PCDHA1: variants seen among roughly 807,000 people sequenced by gnomAD.
PCDHA1 encodes the protein protocadherin alpha 1.
Under a neutral mutation model 61.3 loss-of-function variants are expected in PCDHA1, and 42 were observed. The ratio of observed to expected loss-of-function variants is 0.69; its 90% CI spans 0.54 to 0.89. The LOEUF (loss-of-function observed/expected upper bound fraction) is 0.89, where lower values mean the gene tolerates loss of function less well. Among genes scored for constraint, PCDHA1 ranks in the 40% least tolerant of loss-of-function variants. The pLI, the probability that PCDHA1 is intolerant of heterozygous loss-of-function variation, is 0.00. For synonymous variants in PCDHA1, 610 were observed against 553.8 expected (o/e 1.10, Z -1.43); for missense variants, 1,256 against 1,235.3 (o/e 1.02, Z -0.25).
chr5:140,946,611 A>AATAT (rs1554217734), intron 1 of PCDHA1, among the ~76,000 whole-genome samples: 1,089 of 86,784 alleles, frequency 0.013, 135 homozygotes, highest in African/African-American at 0.062. Flanking sequence ...GAAAATGTGA[A>AATAT]ATATATATAT....
At chr5:140,885,073 T>TA (rs1196857475) in intron 1 of PCDHA1, among the ~76,000 whole-genome samples, 2 of 152,226 alleles carry the variant, frequency 1.3e-5, no homozygotes, top group African/African-American at 4.8e-5. Context: ...GATATTATTT[T>TA]AAAGAGCCCC....
At chr5:140,892,592 C>T (rs1053889046) in intron 1 of PCDHA1, among the ~76,000 whole-genome samples, 2 of 152,214 alleles carry the variant, frequency 1.3e-5, no homozygotes, top group Admixed American at 6.5e-5. Context: ...TATTCATTCA[C>T]CTATTTTTTT....
At chr5:140,802,381 T>G in intron 1 of PCDHA1, 1 of 1,614,240 alleles carries the variant, frequency 6.2e-7, no homozygotes, top group Non-Finnish European at 8.5e-7. Flanking sequence ...CACGTCCCCT[T>G]CAAGCTGGTG....
Position 140,848,697 on chromosome 5 carries a change from T to C in PCDHA1, c.2394+60013T>C. ...GGTGCCGCGCCTGTTCCAGTTGGAT[T>C]CCAAAGGCCGCGGGGACCTTCTGGA... On this transcript the variant is annotated intron_variant, in intron 1 of 3. Coordinates refer to ENST00000504120, the MANE Select transcript of PCDHA1 (RefSeq NM_018900.4). 11 of 1,592,356 alleles carry C rather than the reference T, an allele frequency of 6.9e-6. 1 individual carries two copies. The highest frequency in any genetic ancestry group is 9.5e-6 in the Non-Finnish European group (11 of 1,163,328).
chr5:140,870,209 C>T (rs1174096449), intron 1 of PCDHA1: 3 of 1,614,176 alleles, frequency 1.9e-6, no homozygotes, highest in East Asian at 4.5e-5. Context: ...ACGGTCATTG[C>T]CCTGATCAGC....
intron 1 of PCDHA1, among the ~76,000 whole-genome samples, chr5:140,893,588 A>G (rs2064072698): frequency 6.6e-6 from 1 of 152,212 alleles, no homozygotes; most frequent in South Asian, 2.1e-4. Flanking sequence ...TTGTTTGGGA[A>G]ATACTTTATT....
At chr5:140,890,700 A>T (rs1265643590) in intron 1 of PCDHA1, among the ~76,000 whole-genome samples, 1 of 152,214 alleles carries the variant, frequency 6.6e-6, no homozygotes, top group East Asian at 1.9e-4. Context: ...CAGGGACCTT[A>T]CATTTTTAAA....
intron 1 of PCDHA1, chr5:140,857,826 T>A (rs782420102): frequency 6.3e-7 from 1 of 1,597,464 alleles, no homozygotes; most frequent in South Asian, 1.1e-5. Context: ...GTGGCTAAGG[T>A]GCGCGCAGTG....
At chr5:140,819,050 A>G (rs1440435976) in intron 1 of PCDHA1, among the ~76,000 whole-genome samples, 1 of 152,190 alleles carries the variant, frequency 6.6e-6, no homozygotes, top group Non-Finnish European at 1.5e-5. Context: ...GGGCAGTTAT[A>G]CCTTCCTCTG....
rs1476746131 is a variant in PCDHA1, at chr5:140,870,515, G to A, written c.2394+81831G>A. 8.7e-6 allele frequency: 14 copies of A among 1,614,236 alleles called. No homozygotes were observed. Among genetic ancestry groups the A allele is most frequent in the Non-Finnish European group, 1.1e-5 (13 of 1,180,048 alleles). On this transcript the variant is annotated intron_variant, in intron 1 of 3. Transcript: ENST00000504120. The stretch of plus-strand genomic sequence containing the variant: ...GTGAAGGAGAACAACCCACCAGGCT[G>A]CCACATCTTCACAGTGTCGGCGCGG...
intron 1 of PCDHA1, chr5:140,969,129 C>T: frequency 6.2e-7 from 1 of 1,614,144 alleles, no homozygotes; most frequent in Non-Finnish European, 8.5e-7. Context: ...GGCTCCCTCA[C>T]CAAGACCTAC....
intron 1 of PCDHA1, chr5:140,829,639 G>A (rs1431556203): frequency 6.2e-7 from 1 of 1,612,256 alleles, no homozygotes; most frequent in African/African-American, 1.3e-5. Flanking sequence ...AGAGCGGCAA[G>A]GTGTACGCGC....
intron 1 of PCDHA1, among the ~76,000 whole-genome samples, chr5:140,975,946 A>T (rs989122714): frequency 6.6e-6 from 1 of 152,210 alleles, no homozygotes; most frequent in Non-Finnish European, 1.5e-5. Context: ...AATAGGACAT[A>T]TTAGAGTTCT....
chr5:140,836,482 T>C, intron 1 of PCDHA1: 2 of 1,613,884 alleles, frequency 1.2e-6, no homozygotes, highest in Middle Eastern at 1.7e-4. Flanking sequence ...AACGTGTACC[T>C]GATCATCGCC....
At chr5:140,795,512 A>G in intron 1 of PCDHA1, 2 of 1,614,212 alleles carry the variant, frequency 1.2e-6, no homozygotes, top group East Asian at 2.2e-5. Flanking sequence ...CTAGATATAC[A>G]GGCAAATGAT....
At chr5:141,003,750 A>T (rs868985181) in intron 3 of PCDHA1, among the ~76,000 whole-genome samples, 3 of 152,226 alleles carry the variant, frequency 2.0e-5, no homozygotes, top group African/African-American at 7.2e-5. Flanking sequence ...CATATTTTGT[A>T]TAATTATGGT....
At chr5:140,931,947 T>C (rs782000891) in intron 1 of PCDHA1, among the ~76,000 whole-genome samples, 1 of 151,972 alleles carries the variant, frequency 6.6e-6, no homozygotes, top group Non-Finnish European at 1.5e-5. Context: ...GTCTGAGTCT[T>C]ACAGAATCAT....
chr5:140,840,105 T>A (rs1418979878), intron 1 of PCDHA1, among the ~76,000 whole-genome samples: 1 of 151,974 alleles, frequency 6.6e-6, no homozygotes, highest in Non-Finnish European at 1.5e-5. Context: ...TTTAGTGAAA[T>A]CGAGTGAAAG....
intron 1 of PCDHA1, among the ~76,000 whole-genome samples, chr5:140,920,933 C>G (rs1293177470): frequency 6.6e-6 from 1 of 151,360 alleles, no homozygotes; most frequent in Non-Finnish European, 1.5e-5. Flanking sequence ...GGTGATCTAG[C>G]CCTTTCATTC....
Sources: gnomAD v4.1 joint callset for allele counts (sites outside exome capture counted in the v4.1 genomes callset) on GRCh38, gnomAD v4.1.1 for gene constraint, MANE v1.5 for transcripts, NCBI Gene and HGNC (gene_info 2026-07-23, HGNC 2026-07-21) for gene names.